The following DUSP22 variants were observed in gnomAD, a reference collection of about 807,000 sequenced individuals.
DUSP22 encodes dual specificity phosphatase 22, also known as dual specificity protein phosphatase 22.
A neutral mutation model predicts 24.5 loss-of-function variants in DUSP22; 24 were observed. That is an observed-to-expected ratio of 0.98 (90% CI 0.71 to 1.38). The LOEUF is 1.38. DUSP22 is among the 40% of genes most tolerant of loss of function. The probability of loss-of-function intolerance (pLI) is 0.00; values close to 1 mark genes in which losing one functional copy is unlikely to be tolerated. For synonymous variants in DUSP22, 160 were observed against 106.4 expected (o/e 1.50, Z -3.10); for missense variants, 330 against 269.2 (o/e 1.23, Z -1.58).
At chr6:312,132 G>A (rs1304563689) in intron 3 of DUSP22, among the ~76,000 whole-genome samples, 170 bp downstream of exon 3, 1 of 152,310 alleles carries the variant, frequency 6.6e-6, no homozygotes, top group Non-Finnish European at 1.5e-5. Context: ...GCTGTCTGTA[G>A]CGTGGCGCGA....
At chr6:321,604 AG>A (rs1192496297) in intron 3 of DUSP22, among the ~76,000 whole-genome samples, 1 of 152,296 alleles carries the variant, frequency 6.6e-6, no homozygotes, top group African/African-American at 2.4e-5. Flanking sequence ...AAATGAAAGA[AG>A]GGGAAAGATT....
In DUSP22 at chr6:292,548, T is replaced by A; in HGVS notation, c.9T>A (p.Asn3Lys). 6.2e-7 allele frequency: 1 copy of A among 1,605,122 alleles called. No individual in the cohort carries two copies. Among genetic ancestry groups the A allele is most frequent in the Non-Finnish European group, 8.5e-7 (1 of 1,175,820 alleles). The change falls in exon 1 of 7, where the codon AAT (asparagine) becomes AAA (lysine). Residue 3 changes from asparagine to lysine, a missense_variant. Coordinates refer to ENST00000419235, the MANE Select transcript of DUSP22 (RefSeq NM_001286555.3). Reference sequence around the variant, plus strand: ...GTTCGCCTTCAGCCACCATGGGGAATGGGATGAACAAGGTAACGTCTTCCC... The same window carrying A: ...GTTCGCCTTCAGCCACCATGGGGAAAGGGATGAACAAGGTAACGTCTTCCC... MG[N>K]GMNKILPGLY...
chr6:312,761 T>C (rs894573043), intron 3 of DUSP22, among the ~76,000 whole-genome samples: 6 of 152,306 alleles, frequency 3.9e-5, no homozygotes, highest in Non-Finnish European at 8.8e-5. Context: ...AGGTAATGTT[T>C]TTTATTTCAA....
intron 4 of DUSP22, among the ~76,000 whole-genome samples, chr6:344,348 T>C (rs1246720165): frequency 6.6e-6 from 1 of 152,300 alleles, no homozygotes; most frequent in East Asian, 1.9e-4. Context: ...TGCGGTGGCA[T>C]GATCTCGGCT....
At position 332,644 on chromosome 6, in the gene DUSP22, CTTTTT is replaced by C. The variant is rs3053546; in HGVS notation, c.139-2459_139-2455del. 9.5e-5 allele frequency among the ~76,000 whole-genome samples: 14 copies of C among 148,126 alleles called. No homozygotes were observed. In the South Asian group the frequency reaches 1.5e-3, roughly 16 times the overall value. On this transcript the variant is annotated intron_variant, in intron 3 of 6. Transcript: ENST00000419235. The stretch of plus-strand genomic sequence containing the variant: ...CTCTGTCCATTCTCTTCCTGTCCTT[CTTTTT>C]TTTTTTTTTTCTTTCCTCTTGATAT...
Position 309,614 on chromosome 6 carries a change from G to A in DUSP22, c.56-2266G>A, listed in dbSNP as rs1757973478. 2.0e-5 allele frequency among the ~76,000 whole-genome samples: 3 copies of A among 152,266 alleles called. No homozygotes were observed. The South Asian group carries it at 6.2e-4, about 31-fold the overall frequency. On this transcript the variant is annotated intron_variant, in intron 2 of 6. Transcript: ENST00000419235. ...GAGATGGAGATTCCTCAGCCCCAGG[G>A]TAGATCTTTCTAACTAGCCTCTTGG...
At chr6:322,249 A>G (rs1373710878) in intron 3 of DUSP22, among the ~76,000 whole-genome samples, 2 of 152,304 alleles carry the variant, frequency 1.3e-5, no homozygotes, top group Non-Finnish European at 2.9e-5. Flanking sequence ...TGGTGGGGCC[A>G]TCCTCCAGCG....
intron 3 of DUSP22, among the ~76,000 whole-genome samples, chr6:322,518 G>A (rs550360557): frequency 1.8e-4 from 27 of 152,390 alleles, no homozygotes; most frequent in Middle Eastern, 3.4e-3. Context: ...AGACCCTCGT[G>A]TTTGGCTGTT....
At chr6:292,601 C>T in intron 1 of DUSP22, 41 bp downstream of exon 1, 1 of 1,580,208 alleles carries the variant, frequency 6.3e-7, no homozygotes, top group Non-Finnish European at 8.6e-7. Context: ...GCCTCCGCTC[C>T]GACGCCCTGC....
intron 3 of DUSP22, among the ~76,000 whole-genome samples, chr6:332,157 G>T (rs1414467242): frequency 6.6e-6 from 1 of 152,302 alleles, no homozygotes; most frequent in African/African-American, 2.4e-5. Flanking sequence ...GGGCACCCTT[G>T]CAGGGAAGCT....
chr6:322,083 C>T (rs1255651564), intron 3 of DUSP22, among the ~76,000 whole-genome samples: 1 of 152,292 alleles, frequency 6.6e-6, no homozygotes, highest in African/African-American at 2.4e-5. Flanking sequence ...ATATCATCTA[C>T]ATAGTGTACA....
At chr6:321,890 G>C (rs527919597) in intron 3 of DUSP22, among the ~76,000 whole-genome samples, 420 of 152,262 alleles carry the variant, frequency 2.8e-3, no homozygotes, top group African/African-American at 9.7e-3. Flanking sequence ...GCCATCCAGG[G>C]ATGTGAGTGC....
At chr6:313,603 C>T (rs1442263046) in intron 3 of DUSP22, among the ~76,000 whole-genome samples, 4 of 152,302 alleles carry the variant, frequency 2.6e-5, no homozygotes, top group African/African-American at 9.6e-5. Flanking sequence ...AAGTGCTACC[C>T]CTTTTCTTCA....
chr6:334,658 A>C (rs577834616), intron 3 of DUSP22, among the ~76,000 whole-genome samples: 1 of 152,428 alleles, frequency 6.6e-6, no homozygotes, highest in East Asian at 1.9e-4. Flanking sequence ...TGGTACTAAA[A>C]TTGATGTAGA....
At chr6:304,383 C>A (rs1160196442) in intron 1 of DUSP22, among the ~76,000 whole-genome samples, 2 of 152,310 alleles carry the variant, frequency 1.3e-5, no homozygotes, top group African/African-American at 4.8e-5. Flanking sequence ...ACCAGCACTG[C>A]AGGGCTGCAA....
intron 3 of DUSP22, among the ~76,000 whole-genome samples, chr6:315,751 A>G (rs1168197298): frequency 1.3e-5 from 2 of 152,312 alleles, no homozygotes; most frequent in East Asian, 1.9e-4. Flanking sequence ...CTTTGAAGAC[A>G]AAGGGTTACT....
intron 3 of DUSP22, among the ~76,000 whole-genome samples, chr6:319,080 A>C (rs1409577239): frequency 6.6e-6 from 1 of 151,950 alleles, no homozygotes; most frequent in Non-Finnish European, 1.5e-5. Context: ...GTGATTTCCT[A>C]GAGAACTAGA....
At chr6:324,909 GCA>G (rs1256911970) in intron 3 of DUSP22, among the ~76,000 whole-genome samples, 4 of 152,422 alleles carry the variant, frequency 2.6e-5, no homozygotes, top group African/African-American at 7.2e-5. Context: ...TGCAAAACAG[GCA>G]CAGTGTTCCC....
chr6:349,167 G>C lies in DUSP22; in HGVS notation c.*216G>C, dbSNP rs975101823. 8 of 1,427,866 alleles carry C rather than the reference G, an allele frequency of 5.6e-6. No homozygotes were observed. The highest frequency in any genetic ancestry group is 7.3e-6 in the Non-Finnish European group (8 of 1,095,874). 88.4% of individuals were successfully genotyped at this position (1,427,866 alleles called of 1,614,324 possible). ...GGCTGCACCTGAGCTTGCTGCCCCT[G>C]GGGATGTTGCCCAGTGGCTGTGCAC... is the stretch of plus-strand genomic sequence containing the variant. On this transcript the variant is annotated 3_prime_UTR_variant, in exon 7 of 7. Transcript: ENST00000419235.
Sources: gnomAD v4.1 joint callset for allele counts (sites outside exome capture counted in the v4.1 genomes callset) on GRCh38, gnomAD v4.1.1 for gene constraint, MANE v1.5 for transcripts, NCBI Gene and HGNC (gene_info 2026-07-23, HGNC 2026-07-21) for gene names.